RPA3: variants seen among roughly 807,000 people sequenced by gnomAD.
RPA3 encodes replication protein A3, also known as replication protein A 14 kDa subunit.
A neutral mutation model predicts 13.7 loss-of-function variants in RPA3; 24 were observed. The observed-to-expected ratio is 1.75, with a 90% CI of 1.27 to 2.46. The LOEUF (loss-of-function observed/expected upper bound fraction) is 2.46, where lower values mean the gene tolerates loss of function less well. Ranked by LOEUF, RPA3 falls within the 30% of genes most tolerant of loss-of-function variation. The pLI is 0.00. For synonymous variants in RPA3, 59 were observed against 51.2 expected (o/e 1.15, Z -0.65); for missense variants, 183 against 151.0 (o/e 1.21, Z -1.11).
chr7:7,637,166 C>T, intron 7 of RPA3, 84 bp from the exon 8 acceptor site: 4 of 1,000,836 alleles, frequency 4.0e-6, no homozygotes, highest in Non-Finnish European at 6.3e-6. Flanking sequence ...TTACCTATTT[C>T]CTTTTTCTCA....
chr7:7,676,762 T>C (rs922182596), intron 4 of RPA3, among the ~76,000 whole-genome samples: 1 of 152,158 alleles, frequency 6.6e-6, no homozygotes, highest in Non-Finnish European at 1.5e-5. Context: ...GAAGTTGGTA[T>C]ATATGGTTTA....
At chr7:7,673,417 G>A (rs1475108321) in intron 4 of RPA3, 1 of 1,041,524 alleles carries the variant, frequency 9.6e-7, no homozygotes. Flanking sequence ...AAAGCCCTCA[G>A]TACCAGAGAC....
chr7:7,653,477 A>T (rs1329675147), intron 4 of RPA3, among the ~76,000 whole-genome samples: 5 of 152,178 alleles, frequency 3.3e-5, no homozygotes, highest in African/African-American at 1.2e-4. Flanking sequence ...TTAGGAAAAA[A>T]ACTGTGGTTT....
chr7:7,653,823 T>C (rs1366078085), intron 4 of RPA3, among the ~76,000 whole-genome samples: 1 of 152,164 alleles, frequency 6.6e-6, no homozygotes, highest in Admixed American at 6.5e-5. Context: ...GCATTTTTGG[T>C]TGTCACAGCT....
chr7:7,648,881 G>A (rs540672747), intron 4 of RPA3, among the ~76,000 whole-genome samples: 3 of 149,530 alleles, frequency 2.0e-5, no homozygotes, highest in South Asian at 4.2e-4. Context: ...AAAAAAGGCC[G>A]GGCGCGGTCG....
chr7:7,661,684 G>A (rs985813219), intron 4 of RPA3, among the ~76,000 whole-genome samples: 1 of 152,162 alleles, frequency 6.6e-6, no homozygotes, highest in African/African-American at 2.4e-5. Context: ...TGGAAGCTTT[G>A]TCCCAGAGGG....
At chr7:7,696,301 TA>T (rs758654378) in intron 2 of RPA3, among the ~76,000 whole-genome samples, 720 of 144,164 alleles carry the variant, frequency 5.0e-3, no homozygotes, top group African/African-American at 8.0e-3. Context: ...TTAGGTAGAT[TA>T]AAAAAAAAAA....
chr7:7,664,325 C>T (rs574538424), intron 4 of RPA3, among the ~76,000 whole-genome samples: 22 of 152,276 alleles, frequency 1.4e-4, no homozygotes, highest in African/African-American at 5.3e-4. Context: ...GTCTTAACTT[C>T]TTGGCTCCAG....
chr7:7,667,349 A>C (rs752038341), intron 4 of RPA3, among the ~76,000 whole-genome samples: 5 of 152,130 alleles, frequency 3.3e-5, no homozygotes, highest in Non-Finnish European at 5.9e-5. Flanking sequence ...ATTCTTGGGA[A>C]CTCCAGGCGG....
At chr7:7,650,187 T>C (rs902969013) in intron 4 of RPA3, among the ~76,000 whole-genome samples, 4 of 152,262 alleles carry the variant, frequency 2.6e-5, no homozygotes, top group African/African-American at 9.6e-5. Flanking sequence ...TTTTGATTTC[T>C]TGTAATCCCA....
chr7:7,713,213 G>A (rs112218473), intron 2 of RPA3, among the ~76,000 whole-genome samples: 21,382 of 151,720 alleles, frequency 0.14, 1,868 homozygotes, highest in Middle Eastern at 0.2. Flanking sequence ...GCATGGTGGC[G>A]TGCACCTGTA....
intron 4 of RPA3, among the ~76,000 whole-genome samples, chr7:7,664,650 C>T (rs1016523359): frequency 6.6e-6 from 1 of 152,176 alleles, no homozygotes; most frequent in African/African-American, 2.4e-5. Flanking sequence ...TTTGTTTATA[C>T]ACATCAGATG....
intron 2 of RPA3, among the ~76,000 whole-genome samples, chr7:7,707,964 T>C (rs1780647212): frequency 6.6e-6 from 1 of 152,212 alleles, no homozygotes; most frequent in South Asian, 2.1e-4. Flanking sequence ...GCAAAGGTCC[T>C]GCTTTTGATC....
At chr7:7,716,807 A>G (rs749248988) in intron 1 of RPA3, among the ~76,000 whole-genome samples, 3 of 152,150 alleles carry the variant, frequency 2.0e-5, no homozygotes, top group East Asian at 1.9e-4. Flanking sequence ...TTAGGCGGGC[A>G]TGGTGGCGGG....
intron 4 of RPA3, among the ~76,000 whole-genome samples, chr7:7,658,855 G>A (rs1785407086): frequency 6.6e-6 from 1 of 152,052 alleles, no homozygotes; most frequent in Admixed American, 6.5e-5. Context: ...TTTTTCTATT[G>A]TTTGGAATAG....
chr7:7,658,991 T>C (rs1785410704), intron 4 of RPA3, among the ~76,000 whole-genome samples: 1 of 152,208 alleles, frequency 6.6e-6, no homozygotes, highest in African/African-American at 2.4e-5. Flanking sequence ...GAACTTGTTA[T>C]TGGTCTATTC....
chr7:7,699,802 G>A (rs1780412316), intron 2 of RPA3, among the ~76,000 whole-genome samples: 1 of 152,186 alleles, frequency 6.6e-6, no homozygotes, highest in Non-Finnish European at 1.5e-5. Flanking sequence ...GTAAATATTT[G>A]TTGGGGGAGA....
At chr7:7,678,235 C>G (rs1779797696) in intron 4 of RPA3, among the ~76,000 whole-genome samples, 1 of 145,440 alleles carries the variant, frequency 6.9e-6, no homozygotes, top group African/African-American at 2.5e-5. Flanking sequence ...TCTACACATC[C>G]TTGCCAGCAT....
intron 4 of RPA3, among the ~76,000 whole-genome samples, chr7:7,667,868 G>A (rs1342678219): frequency 6.6e-6 from 1 of 152,138 alleles, no homozygotes; most frequent in African/African-American, 2.4e-5. Context: ...GTTTAAGATT[G>A]TGCTCTACTC....
Sources: gnomAD v4.1 joint callset for allele counts (sites outside exome capture counted in the v4.1 genomes callset) on GRCh38, gnomAD v4.1.1 for gene constraint, MANE v1.5 for transcripts, NCBI Gene and HGNC (gene_info 2026-07-23, HGNC 2026-07-21) for gene names.